Variants in METTL14 observed in about 807,000 individuals in gnomAD.
METTL14 encodes N(6)-adenosine-methyltransferase non-catalytic subunit METTL14.
Under a neutral mutation model 62.4 loss-of-function variants are expected in METTL14, and 32 were observed. The observed-to-expected ratio is 0.51, with a 90% CI of 0.39 to 0.69. The LOEUF (loss-of-function observed/expected upper bound fraction) is 0.69. Ranked by LOEUF, METTL14 falls within the 30% of genes least tolerant of loss-of-function variation. The pLI, the probability that METTL14 is intolerant of heterozygous loss-of-function variation, is 0.00. For missense variants in METTL14, 340 were observed against 551.9 expected, an observed-to-expected ratio of 0.62 and a Z score of 3.85; for synonymous variants, 150 against 180.0, an observed-to-expected ratio of 0.83 and a Z score of 1.34.
intron 10 of METTL14, among the ~76,000 whole-genome samples, chr4:118,709,651 C>T (rs1194515829): frequency 6.6e-6 from 1 of 152,036 alleles, no homozygotes; most frequent in African/African-American, 2.4e-5. Context: ...AAAATGGCAC[C>T]ATTTACATAA....
chr4:118,710,226 C>T lies in METTL14; in HGVS notation c.1295C>T (p.Ser432Phe). 6.2e-7 allele frequency: 1 copy of T among 1,614,176 alleles called. No individual in the cohort carries two copies. ...GGCCGTGGACGAGAAAGAAATAGAT[C>T]TAACTTCCGAGGAGAAAGAGGTGGC... is the stretch of plus-strand genomic sequence containing the variant. ...SAGRGRERNR[S>F]NFRGERGGFR... The change falls in exon 11 of 11, where the codon TCT becomes TTT. Residue 432 changes from serine to phenylalanine, a missense_variant. Ser to Phe is a radical substitution (Grantham distance 155). Transcript: ENST00000388822.
At chr4:118,702,794 A>G (rs1313701344) in intron 8 of METTL14, among the ~76,000 whole-genome samples, 1 of 151,228 alleles carries the variant, frequency 6.6e-6, no homozygotes, top group Non-Finnish European at 1.5e-5. Flanking sequence ...TAAAATTCTG[A>G]GTTTCATTTT....
intron 1 of METTL14, chr4:118,686,513 C>T: frequency 7.0e-6 from 3 of 425,542 alleles, no homozygotes; most frequent in South Asian, 5.0e-5. Context: ...AGTAAATGGA[C>T]TTCTGAAACC....
intron 3 of METTL14, among the ~76,000 whole-genome samples, chr4:118,691,319 C>T (rs372147225): frequency 6.6e-6 from 1 of 151,978 alleles, no homozygotes; most frequent in Admixed American, 6.6e-5. Context: ...ATAGTAGTTA[C>T]AGTAATTATT....
At chr4:118,692,569 T>C (rs948776498) in intron 5 of METTL14, among the ~76,000 whole-genome samples, 2 of 152,290 alleles carry the variant, frequency 1.3e-5, no homozygotes, top group East Asian at 1.9e-4. Flanking sequence ...CTCCAGGCCC[T>C]GTATACCTTC....
At chr4:118,687,824 T>G in intron 1 of METTL14, 99 bp from the exon 2 acceptor site, 1 of 834,574 alleles carries the variant, frequency 1.2e-6, no homozygotes, top group Non-Finnish European at 1.9e-6. Flanking sequence ...TTAAGGTGTT[T>G]TTGTTTTTTA....
chr4:118,707,709 C>CA (rs2110410823), intron 10 of METTL14, among the ~76,000 whole-genome samples: 1 of 151,224 alleles, frequency 6.6e-6, no homozygotes, highest in South Asian at 2.1e-4. Flanking sequence ...AGTTGCTCCT[C>CA]AAACACACTT....
intron 10 of METTL14, among the ~76,000 whole-genome samples, chr4:118,708,993 C>G (rs1560885817): frequency 6.6e-6 from 1 of 152,128 alleles, no homozygotes; most frequent in Non-Finnish European, 1.5e-5. Context: ...GAAAAGTTGT[C>G]TAGCAATATA....
rs560110972 is a variant in METTL14 at position 118,706,699 on chromosome 4, G to A, written c.1066+878G>A. ...GCCTGTACCATTTTACATTTCCACC[G>A]GCAGTGAGAGTTCCTGTTGCTCTGC... is the stretch of plus-strand genomic sequence containing the variant. On this transcript the variant is annotated intron_variant, in intron 10 of 10. Transcript: ENST00000388822. Among the ~76,000 whole-genome samples the A allele has an allele frequency of 7.2e-5, 11 of 152,288 alleles. No individual in the cohort carries two copies. In the South Asian group the frequency reaches 1.9e-3, roughly 26 times the overall value.
Position 118,701,173 on chromosome 4 carries a change from G to GTTTTT in METTL14, c.738+536_738+540dup, listed in dbSNP as rs370557403. Among the ~76,000 whole-genome samples, 196 of 114,124 alleles carry GTTTTT rather than the reference G, an allele frequency of 1.7e-3. 4 individuals carry two copies. Among genetic ancestry groups the GTTTTT allele is most frequent in the African/African-American group, 5.5e-3 (187 of 34,126 alleles). 74.9% of individuals were successfully genotyped at this position (114,124 alleles called of 152,430 possible). A position where few individuals can be genotyped will look rare whatever the true frequency, so the allele number is the denominator to read the frequency against. On this transcript the variant is annotated intron_variant, in intron 8 of 10. Transcript: ENST00000388822. ...TTTTTATTTTTATTTTTTTATTGGA[G>GTTTTT]TTTTTTTTTGTTTTTTTTTGTTTTT...
At chr4:118,706,301 C>T (rs1249504136) in intron 10 of METTL14, among the ~76,000 whole-genome samples, 3 of 152,154 alleles carry the variant, frequency 2.0e-5, no homozygotes, top group Admixed American at 6.5e-5. Flanking sequence ...TTACTGTCTC[C>T]GTAATTTGCC....
intron 9 of METTL14, 37 bp downstream of exon 9, chr4:118,704,088 T>C: frequency 2.4e-6 from 3 of 1,271,052 alleles, no homozygotes; most frequent in Middle Eastern, 3.7e-4. Context: ...TTAATTTTTG[T>C]GATTTTCTCT....
intron 7 of METTL14, among the ~76,000 whole-genome samples, chr4:118,699,741 A>G (rs1255298572): frequency 6.6e-6 from 1 of 152,208 alleles, no homozygotes; most frequent in Non-Finnish European, 1.5e-5. Flanking sequence ...TCTATTTTAT[A>G]TGCAAATTCT....
rs928651689 is a variant in METTL14, at chr4:118,715,167, T to G, written c.*4865T>G. Reference sequence around the variant, plus strand: ...GTCACAAAATACACCTTTTAGATAATCCTTACCTGTACAGATTTTTATAAC... The same window carrying G: ...GTCACAAAATACACCTTTTAGATAAGCCTTACCTGTACAGATTTTTATAAC... On this transcript the variant is annotated 3_prime_UTR_variant, in exon 11 of 11. Transcript: ENST00000388822. 6.6e-6 allele frequency: 1 copy of G among 152,218 alleles called. No homozygotes were observed. 9.4% of individuals were successfully genotyped at this position (152,218 alleles called of 1,614,324 possible).
chr4:118,709,405 T>A (rs1159782879), intron 10 of METTL14, among the ~76,000 whole-genome samples: 1 of 152,132 alleles, frequency 6.6e-6, no homozygotes, highest in African/African-American at 2.4e-5. Flanking sequence ...GAGGAGAAGC[T>A]ATAGGTTGGG....
chr4:118,696,588 T>C (rs995735593), intron 6 of METTL14, among the ~76,000 whole-genome samples: 3 of 152,216 alleles, frequency 2.0e-5, no homozygotes, highest in African/African-American at 7.2e-5. Context: ...ACATTTAAAG[T>C]ATTTTAAATT....
chr4:118,695,515 C>T (rs1724381979), intron 6 of METTL14, among the ~76,000 whole-genome samples: 1 of 152,110 alleles, frequency 6.6e-6, no homozygotes, highest in Non-Finnish European at 1.5e-5. Context: ...CACCATTGCA[C>T]TTTAGCCTGG....
chr4:118,686,063 A>G (rs1724046330), intron 1 of METTL14, among the ~76,000 whole-genome samples: 1 of 152,174 alleles, frequency 6.6e-6, no homozygotes, highest in Admixed American at 6.5e-5. Context: ...CTGAGTGTAA[A>G]TTTTAGATTC....
chr4:118,700,731 T>C, intron 8 of METTL14, 89 bp downstream of exon 8: 1 of 831,732 alleles, frequency 1.2e-6, no homozygotes, highest in Non-Finnish European at 1.8e-6. Context: ...AAGTGGATGT[T>C]ATTTTGTCCT....
Sources: gnomAD v4.1 joint callset for allele counts (sites outside exome capture counted in the v4.1 genomes callset) on GRCh38, gnomAD v4.1.1 for gene constraint, MANE v1.5 for transcripts, NCBI Gene and HGNC (gene_info 2026-07-23, HGNC 2026-07-21) for gene names.